CDC73: variants seen among roughly 807,000 people sequenced by gnomAD.
CDC73 encodes cell division cycle 73, also known as parafibromin.
A neutral mutation model predicts 83.7 loss-of-function variants in CDC73; 21 were observed. The observed-to-expected ratio is 0.25, with a 90% confidence interval of 0.18 to 0.36. The LOEUF (loss-of-function observed/expected upper bound fraction) is 0.36. Ranked by LOEUF, CDC73 falls within the 10% of genes least tolerant of loss-of-function variation. The probability of loss-of-function intolerance (pLI) is 1.00; values close to 1 mark genes in which losing one functional copy is unlikely to be tolerated. For synonymous variants in CDC73, 224 were observed against 212.9 expected (o/e 1.05, Z -0.45); for missense variants, 342 against 653.3 (o/e 0.52, Z 5.19).
chr1:193,152,092 A>G lies in CDC73; in HGVS notation c.908-288A>G, dbSNP rs936456716. 6.4e-4 allele frequency among the ~76,000 whole-genome samples: 97 copies of G among 152,328 alleles called. 1 individual carries two copies. Among genetic ancestry groups the G allele is most frequent in the Non-Finnish European group, 1.2e-3 (84 of 68,028 alleles). ...TATTAGTAGTAAGTAATTTGGGGTT[A>G]TAAAGTATTCAATCTTAATTTTTGA... On this transcript the variant is annotated intron_variant, in intron 9 of 16. Transcript: ENST00000367435.
intron 13 of CDC73, among the ~76,000 whole-genome samples, chr1:193,225,741 T>C (rs1391619975): frequency 6.6e-6 from 1 of 152,104 alleles, no homozygotes; most frequent in Non-Finnish European, 1.5e-5. Context: ...TTAGCCCACT[T>C]TTTCATGGGA....
At chr1:193,145,026 C>A (rs1238052693) in intron 7 of CDC73, among the ~76,000 whole-genome samples, 1 of 152,116 alleles carries the variant, frequency 6.6e-6, no homozygotes, top group Non-Finnish European at 1.5e-5. Flanking sequence ...TTAAAGTCTT[C>A]TAGTGAGTCT....
chr1:193,202,273 G>A (rs1677104868), intron 10 of CDC73, among the ~76,000 whole-genome samples: 1 of 151,920 alleles, frequency 6.6e-6, no homozygotes, highest in African/African-American at 2.4e-5. Context: ...TATGCTCCAG[G>A]TACTGGAATT....
chr1:193,216,984 A>G (rs1558314322), intron 13 of CDC73, among the ~76,000 whole-genome samples: 1 of 152,218 alleles, frequency 6.6e-6, no homozygotes, highest in Non-Finnish European at 1.5e-5. Context: ...CCAACATCAT[A>G]CTGAATAGGC....
At chr1:193,249,589 A>G (rs2182104) in intron 15 of CDC73, 141 bp from the exon 16 acceptor site, 1 of 682,406 alleles carries the variant, frequency 1.5e-6, no homozygotes, top group Admixed American at 2.5e-5. Context: ...GCTGGCGTGT[A>G]TAAACCCTGA....
chr1:193,150,282 C>A, intron 8 of CDC73, 22 bp from the exon 9 acceptor site: 1 of 1,471,772 alleles, frequency 6.8e-7, no homozygotes, highest in Non-Finnish European at 9.5e-7. Flanking sequence ...TAACAAGTAA[C>A]TCATAATTAA....
At chr1:193,199,003 A>T (rs938888492) in intron 10 of CDC73, among the ~76,000 whole-genome samples, 1 of 152,190 alleles carries the variant, frequency 6.6e-6, no homozygotes, top group Admixed American at 6.5e-5. Context: ...AGGGAAAGAA[A>T]GATAAATTTA....
intron 10 of CDC73, chr1:193,181,662 A>G (rs1297564829): frequency 7.1e-6 from 8 of 1,132,722 alleles, no homozygotes; most frequent in African/African-American, 3.1e-5. Flanking sequence ...ATTCAGTCAC[A>G]TTGTCTCTCT....
chr1:193,142,090 C>G (rs2103126572), intron 7 of CDC73, 24 bp downstream of exon 7: 3 of 1,548,072 alleles, frequency 1.9e-6, no homozygotes, highest in Non-Finnish European at 2.7e-6. Context: ...TTTACTCATT[C>G]ATTGGAGTGA....
At chr1:193,234,220 CAT>C (rs1284926600) in intron 14 of CDC73, among the ~76,000 whole-genome samples, 1,803 of 31,350 alleles carry the variant, frequency 0.058, 10 homozygotes, top group Middle Eastern at 0.15. Context: ...CACACACACA[CAT>C]ATATATATTT....
intron 2 of CDC73, among the ~76,000 whole-genome samples, 178 bp from the exon 3 acceptor site, chr1:193,129,996 T>A (rs1247815946): frequency 6.6e-6 from 1 of 152,250 alleles, no homozygotes; most frequent in Non-Finnish European, 1.5e-5. Flanking sequence ...CTAACATGTT[T>A]AATAAATTTT....
chr1:193,192,925 T>G (rs1352723296), intron 10 of CDC73, among the ~76,000 whole-genome samples: 2 of 152,200 alleles, frequency 1.3e-5, no homozygotes, highest in Non-Finnish European at 2.9e-5. Context: ...CTTACATTCC[T>G]TTTTACCTAC....
At chr1:193,249,988 T>C (rs1678020431) in intron 16 of CDC73, 117 bp downstream of exon 16, 2 of 910,818 alleles carry the variant, frequency 2.2e-6, no homozygotes, top group Non-Finnish European at 3.6e-6. Flanking sequence ...CTTTCAACAT[T>C]AACTTGATGC....
chr1:193,202,712 C>A (rs1677113888), intron 10 of CDC73, among the ~76,000 whole-genome samples: 1 of 146,412 alleles, frequency 6.8e-6, no homozygotes, highest in Non-Finnish European at 1.5e-5. Flanking sequence ...GATGTTCTAA[C>A]TGAATGCTAG....
At chr1:193,224,780 C>T (rs1408682459) in intron 13 of CDC73, among the ~76,000 whole-genome samples, 1 of 151,980 alleles carries the variant, frequency 6.6e-6, no homozygotes, top group Admixed American at 6.6e-5. Flanking sequence ...TATTTCAGAC[C>T]AATTTTTTAG....
chr1:193,169,208 C>A (rs1676481105), intron 10 of CDC73, among the ~76,000 whole-genome samples: 1 of 152,148 alleles, frequency 6.6e-6, no homozygotes, highest in Admixed American at 6.5e-5. Context: ...ACACCCATAC[C>A]TGGCATATGC....
rs1379832846 is a variant in CDC73 at position 193,251,150 on chromosome 1, G to T, written c.*438G>T. 3 of 246,616 alleles carry T rather than the reference G, an allele frequency of 1.2e-5. No homozygotes were observed. The highest frequency in any genetic ancestry group is 8.0e-6 in the Non-Finnish European group (1 of 125,670). The allele number at this position is 246,616 out of a possible 1,614,324, so 15.3% of individuals were successfully genotyped here. On this transcript the variant is annotated 3_prime_UTR_variant, in exon 17 of 17. Transcript: ENST00000367435. ...TGGAACATCCAAAACCAAGCAAAGGGATGTGACTATTTTGAATGAATCAGA... is the reference window on the plus strand; with the variant it reads ...TGGAACATCCAAAACCAAGCAAAGGTATGTGACTATTTTGAATGAATCAGA...
At chr1:193,242,536 T>C (rs1305463324) in intron 15 of CDC73, among the ~76,000 whole-genome samples, 2 of 152,212 alleles carry the variant, frequency 1.3e-5, no homozygotes, top group East Asian at 1.9e-4. Flanking sequence ...CTCACTGTTT[T>C]GGTTCTTTTT....
At chr1:193,230,759 G>A (rs562336040) in intron 13 of CDC73, among the ~76,000 whole-genome samples, 1 of 152,220 alleles carries the variant, frequency 6.6e-6, no homozygotes, top group Admixed American at 6.5e-5. Flanking sequence ...ATGAACTGCA[G>A]TAGGGTGAAC....
Sources: gnomAD v4.1 joint callset for allele counts (sites outside exome capture counted in the v4.1 genomes callset) on GRCh38, gnomAD v4.1.1 for gene constraint, MANE v1.5 for transcripts, NCBI Gene and HGNC (gene_info 2026-07-23, HGNC 2026-07-21) for gene names.